KLHDC4: variants seen among roughly 807,000 people sequenced by gnomAD.
KLHDC4 encodes the protein kelch domain containing 4, also known as kelch domain-containing protein 4.
In KLHDC4, 90 loss-of-function variants were observed where a neutral mutation model predicts 62.4. The ratio of observed to expected loss-of-function variants is 1.44; its 90% CI spans 1.22 to 1.72. The LOEUF is 1.72. Among genes scored for constraint, KLHDC4 ranks in the 40% most tolerant of loss-of-function variants. The probability of loss-of-function intolerance (pLI) is 0.00; values close to 1 mark genes in which losing one functional copy is unlikely to be tolerated. For missense variants in KLHDC4, 1,025 were observed against 699.7 expected, an observed-to-expected ratio of 1.47 and a Z score of -5.25; for synonymous variants, 386 against 284.4, an observed-to-expected ratio of 1.36 and a Z score of -3.59.
In KLHDC4 at chr16:87,708,398, C is replaced by A. The variant is rs199885367; in HGVS notation, c.1516G>T (p.Gly506Trp). 1 of 1,611,788 alleles carries A rather than the reference C, an allele frequency of 6.2e-7. No homozygotes were observed. Among genetic ancestry groups the A allele is most frequent in the Non-Finnish European group, 8.5e-7 (1 of 1,179,502 alleles). The change falls in exon 11 of 12, where the codon GGG becomes TGG. Residue 506 changes from glycine to tryptophan, a missense_variant. Gly to Trp is a radical substitution (Grantham distance 184, BLOSUM62 -2). Transcript: ENST00000270583. ...DSEEVEGAEGGVDDEDSGEES... is the reference protein window; with the variant it reads ...DSEEVEGAEGWVDDEDSGEES... The stretch of plus-strand genomic sequence containing the variant: ...TCTCCGCTGTCTTCGTCGTCGACCC[C>A]ACCCTCGGCGCCCTCAACCTCCTCA...
intron 1 of KLHDC4, among the ~76,000 whole-genome samples, 153 bp downstream of exon 1, chr16:87,765,639 G>A (rs753682195): frequency 6.6e-6 from 1 of 152,114 alleles, no homozygotes; most frequent in South Asian, 2.1e-4. Context: ...GGGCTGCCCG[G>A]ACGCGGCGCC....
At chr16:87,735,319 A>C (rs1378183145) in intron 5 of KLHDC4, among the ~76,000 whole-genome samples, 1 of 151,720 alleles carries the variant, frequency 6.6e-6, no homozygotes, top group Non-Finnish European at 1.5e-5. Context: ...AAAAAGAAAA[A>C]AAAAAAACTA....
At chr16:87,709,707 C>A (rs780610775) in intron 9 of KLHDC4, 40 bp from the exon 10 acceptor site, 3 of 1,520,874 alleles carry the variant, frequency 2.0e-6, no homozygotes, top group Admixed American at 4.1e-5. Flanking sequence ...GCAGCTTCAG[C>A]GAGGCAGGGG....
Position 87,739,648 on chromosome 16 carries a change from T to TCC in KLHDC4, c.507-9005_507-9004insGG, listed in dbSNP as rs1300511798. 7.2e-5 allele frequency: 11 copies of TCC among 152,090 alleles called. No individual in the cohort carries two copies. The East Asian group carries it at 7.8e-4, about 11-fold the overall frequency. 9.4% of individuals were successfully genotyped at this position (152,090 alleles called of 1,614,324 possible). A position where few individuals can be genotyped will look rare whatever the true frequency, so the allele number is the denominator to read the frequency against. On this transcript the variant is annotated intron_variant, in intron 5 of 11. Coordinates refer to ENST00000270583, the MANE Select transcript of KLHDC4 (RefSeq NM_017566.4). ...CATCCATCCACACACCAGCACGTCA[T>TCC]ACATCCACACACCAGCACCTCATCT...
At chr16:87,761,297 G>A (rs1434946551) in intron 2 of KLHDC4, among the ~76,000 whole-genome samples, 3 of 152,122 alleles carry the variant, frequency 2.0e-5, no homozygotes, top group Admixed American at 6.6e-5. Context: ...CATCACATGC[G>A]CCTCATTAAT....
chr16:87,747,598 C>T (rs1567791665), intron 5 of KLHDC4: 1 of 152,272 alleles, frequency 6.6e-6, no homozygotes, highest in Non-Finnish European at 1.5e-5. Context: ...CACTGTAAGG[C>T]TATGGTCATG....
chr16:87,718,265 C>A (rs1385456660), intron 7 of KLHDC4, among the ~76,000 whole-genome samples: 2 of 150,994 alleles, frequency 1.3e-5, no homozygotes, highest in Non-Finnish European at 3.0e-5. Flanking sequence ...AGTCTTTCCA[C>A]AAAAACCGAT....
chr16:87,706,012 G>A (rs1207958111), downstream of KLHDC4, among the ~76,000 whole-genome samples: 2 of 151,768 alleles, frequency 1.3e-5, no homozygotes, highest in South Asian at 4.2e-4. Context: ...GCTCTCAGGG[G>A]GTTGGCACAA....
At chr16:87,720,948 C>T (rs1019923420) in intron 7 of KLHDC4, among the ~76,000 whole-genome samples, 3 of 152,338 alleles carry the variant, frequency 2.0e-5, no homozygotes, top group South Asian at 2.1e-4. Context: ...AGTCCCTCTG[C>T]GTGTCTGAAC....
chr16:87,718,853 G>C (rs1287485549), intron 7 of KLHDC4, among the ~76,000 whole-genome samples: 1 of 151,254 alleles, frequency 6.6e-6, no homozygotes, highest in Non-Finnish European at 1.5e-5. Flanking sequence ...TCTGGGATGT[G>C]AGGAGTGCCT....
chr16:87,754,157 G>C (rs1472163913), intron 4 of KLHDC4, among the ~76,000 whole-genome samples: 1 of 151,088 alleles, frequency 6.6e-6, no homozygotes, highest in Non-Finnish European at 1.5e-5. Flanking sequence ...ATAAAATAAA[G>C]ATTCAAATGT....
chr16:87,748,898 A>AC, intron 4 of KLHDC4, 89 bp from the exon 5 acceptor site: 1 of 1,472,262 alleles, frequency 6.8e-7, no homozygotes, highest in Non-Finnish European at 9.2e-7. Flanking sequence ...GCGCTTCAGT[A>AC]CTATCTCGGA....
At chr16:87,716,252 T>C (rs573209773) in intron 7 of KLHDC4, among the ~76,000 whole-genome samples, 2 of 151,776 alleles carry the variant, frequency 1.3e-5, no homozygotes, top group East Asian at 1.9e-4. Flanking sequence ...GTCTCGTGGA[T>C]ACTGACATAG....
exon 1 of KLHDC4, chr16:87,698,381 T>G: frequency 1.1e-5 from 1 of 88,858 alleles, no homozygotes; most frequent in East Asian, 2.6e-4. Flanking sequence ...TGTGCAGCTC[T>G]CAGACTCCTG....
intron 5 of KLHDC4, among the ~76,000 whole-genome samples, chr16:87,731,251 G>C (rs1237559565): frequency 6.6e-6 from 1 of 151,534 alleles, no homozygotes; most frequent in Non-Finnish European, 1.5e-5. Flanking sequence ...TTCTAGTACA[G>C]ATGGGGTTTC....
rs555269929 is a variant in KLHDC4, at chr16:87,736,497, T to C, written c.507-5853A>G. Among the ~76,000 whole-genome samples the C allele has an allele frequency of 1.8e-4, 28 of 152,260 alleles. 1 individual carries two copies. The highest frequency in any genetic ancestry group is 1.6e-3 in the Admixed American group (25 of 15,294). ...AGAGCCCCTGTCTTTCAAAAGCAGTTACAGCACAGCCAGGGAGAGCCGTGT... is the reference window on the plus strand; with the variant it reads ...AGAGCCCCTGTCTTTCAAAAGCAGTCACAGCACAGCCAGGGAGAGCCGTGT... On this transcript the variant is annotated intron_variant, in intron 5 of 11. Transcript: ENST00000270583.
chr16:87,705,821 C>T (rs1266694113), downstream of KLHDC4, among the ~76,000 whole-genome samples: 1 of 152,142 alleles, frequency 6.6e-6, no homozygotes, highest in Non-Finnish European at 1.5e-5. Flanking sequence ...GCGCTGCTGC[C>T]TGCGCTCTGG....
chr16:87,760,343 C>T (rs1309837752), intron 2 of KLHDC4, among the ~76,000 whole-genome samples: 1 of 151,694 alleles, frequency 6.6e-6, no homozygotes, highest in Non-Finnish European at 1.5e-5. Context: ...CACGGTGGCT[C>T]ACGCCTGTAA....
rs559342363 is a variant in KLHDC4, at chr16:87,736,806, A to G, written c.507-6162T>C. On this transcript the variant is annotated intron_variant, in intron 5 of 11. Coordinates refer to ENST00000270583, the MANE Select transcript of KLHDC4 (RefSeq NM_017566.4). ...TCCTCACAGCAAACTCGTGGTGCAGATATTACCTTTATTCTCATTTTACAG... is the reference window on the plus strand; with the variant it reads ...TCCTCACAGCAAACTCGTGGTGCAGGTATTACCTTTATTCTCATTTTACAG... 2.6e-5 allele frequency among the ~76,000 whole-genome samples: 4 copies of G among 152,260 alleles called. No homozygotes were observed. The South Asian group carries it at 8.3e-4, about 32-fold the overall frequency.
Sources: gnomAD v4.1 joint callset for allele counts (sites outside exome capture counted in the v4.1 genomes callset) on GRCh38, gnomAD v4.1.1 for gene constraint, MANE v1.5 for transcripts, NCBI Gene and HGNC (gene_info 2026-07-23, HGNC 2026-07-21) for gene names.